BCAS3: variants seen among roughly 807,000 people sequenced by gnomAD.
The protein encoded by BCAS3 is BCAS3 microtubule associated cell migration factor.
Under a neutral mutation model 116.1 loss-of-function variants are expected in BCAS3, and 53 were observed. That is an observed-to-expected ratio of 0.46 (90% CI 0.37 to 0.57). BCAS3 has a LOEUF of 0.57. Among genes scored for constraint, BCAS3 ranks in the 20% least tolerant of loss-of-function variants. BCAS3 has a pLI of 0.00. For missense variants in BCAS3, 917 were observed against 1,165.4 expected, an observed-to-expected ratio of 0.79 and a Z score of 3.10; for synonymous variants, 391 against 408.2, an observed-to-expected ratio of 0.96 and a Z score of 0.51.
Position 61,279,479 on chromosome 17 carries a change from A to C in BCAS3, c.2426-88848A>C, listed in dbSNP as rs928749120. ...TCTTCTTGAAGAGCAGCTTCTGCCT[A>C]GCCCATGGTGGCTAAGAGATTCACA... On this transcript the variant is annotated intron_variant, in intron 22 of 23. Transcript: ENST00000407086. This position sits in a 1 kb window ranked among gnomAD's most constrained non-coding sequence, Gnocchi z 4.4. Among the ~76,000 whole-genome samples the C allele has an allele frequency of 6.6e-6, 1 of 152,108 alleles. No individual in the cohort carries two copies. Among genetic ancestry groups the C allele is most frequent in the South Asian group, 2.1e-4 (1 of 4,824 alleles).
At chr17:60,716,851 ATATT>A (rs1376977645) in intron 5 of BCAS3, among the ~76,000 whole-genome samples, 8 of 152,192 alleles carry the variant, frequency 5.3e-5, no homozygotes, top group African/African-American at 1.9e-4. Flanking sequence ...CTTACCCCAT[ATATT>A]TATTAATTCT....
intron 7 of BCAS3, among the ~76,000 whole-genome samples, chr17:60,849,567 A>G (rs765201188): frequency 1.3e-5 from 2 of 152,136 alleles, no homozygotes; most frequent in Non-Finnish European, 2.9e-5. Context: ...AAAGTTTATA[A>G]AGAGATTTTC....
chr17:61,043,612 G>A lies in BCAS3; in HGVS notation c.2029+2720G>A, dbSNP rs902771800. The stretch of plus-strand genomic sequence containing the variant: ...TCTCCCTGATACCAAAGGTATGCAT[G>A]TTAGGTTAATTGGCATGGCTACATT... On this transcript the variant is annotated intron_variant, in intron 19 of 23. Coordinates refer to ENST00000407086, the MANE Select transcript of BCAS3 (RefSeq NM_017679.5). 2.0e-5 allele frequency among the ~76,000 whole-genome samples: 3 copies of A among 151,912 alleles called. No individual in the cohort carries two copies. In the South Asian group the frequency reaches 6.2e-4, roughly 32 times the overall value.
At chr17:61,357,253 TAAA>T (rs1242337220) in intron 22 of BCAS3, among the ~76,000 whole-genome samples, 135 of 144,968 alleles carry the variant, frequency 9.3e-4, no homozygotes, top group Middle Eastern at 7.2e-3. Flanking sequence ...AAAAAATAAA[TAAA>T]TAAATAAATA....
At chr17:60,936,126 G>A (rs1265623940) in intron 13 of BCAS3, among the ~76,000 whole-genome samples, 1 of 149,150 alleles carries the variant, frequency 6.7e-6, no homozygotes, top group African/African-American at 2.5e-5. Context: ...TTTTGTCCTT[G>A]TGATAGTTTG....
chr17:60,718,041 C>T (rs898301897), intron 5 of BCAS3, among the ~76,000 whole-genome samples: 7 of 152,082 alleles, frequency 4.6e-5, no homozygotes, highest in Non-Finnish European at 5.9e-5. Context: ...AGGGTTCGCG[C>T]GCCTATGATA....
intron 22 of BCAS3, among the ~76,000 whole-genome samples, chr17:61,091,046 G>C (rs1346333791): frequency 6.6e-6 from 1 of 152,166 alleles, no homozygotes; most frequent in East Asian, 1.9e-4. Flanking sequence ...AAGAAAAAAT[G>C]ATAGCCCCAT....
intron 13 of BCAS3, among the ~76,000 whole-genome samples, chr17:60,930,383 T>C (rs1391958204): frequency 6.6e-6 from 1 of 152,236 alleles, no homozygotes; most frequent in Non-Finnish European, 1.5e-5. Flanking sequence ...TTAAAGCTGA[T>C]CTTACTCAAA....
intron 19 of BCAS3, among the ~76,000 whole-genome samples, chr17:61,046,001 A>AAT (rs1382646475): frequency 1.1e-4 from 1 of 9,346 alleles, no homozygotes; most frequent in African/African-American, 7.9e-4. Context: ...ATATATATAT[A>AAT]ATATATATAT....
intron 15 of BCAS3, among the ~76,000 whole-genome samples, chr17:60,997,279 G>C (rs1405378174): frequency 2.0e-5 from 3 of 152,198 alleles, no homozygotes; most frequent in Non-Finnish European, 4.4e-5. Flanking sequence ...CACCACCTGG[G>C]AGTTGGGAAC....
intron 22 of BCAS3, among the ~76,000 whole-genome samples, chr17:61,150,059 C>T (rs1391392154): frequency 3.3e-5 from 5 of 152,026 alleles, no homozygotes; most frequent in Admixed American, 2.6e-4. Flanking sequence ...GGAGGAGAGG[C>T]GGAACAGAAT....
rs2063429425 is a variant in BCAS3, at chr17:60,990,095, C to T, written c.1346C>T (p.Pro449Leu). 1.2e-6 allele frequency: 2 copies of T among 1,614,146 alleles called. No homozygotes were observed. The highest frequency in any genetic ancestry group is 1.3e-5 in the African/African-American group (1 of 75,036). Residue 449 changes from proline to leucine, a missense_variant, in exon 15 of 24, where the codon CCA (proline) becomes CTA (leucine). This residue lies in a region of BCAS3 where 807 missense variants were observed against 1,026.0 expected (regional missense o/e 0.79). Transcript: ENST00000407086. The surrounding 1 kb of genome is among the most constrained non-coding windows in gnomAD (Gnocchi z 5.1). Reference protein sequence around the residue: ...GQPCVRTHMSPRVVNRMSRFQ... With the variant: ...GQPCVRTHMSLRVVNRMSRFQ... ...CCTTGTGTTCGTACACATATGTCAC[C>T]ACGAGTAGTGAATCGCATGAGCCGT...
intron 12 of BCAS3, among the ~76,000 whole-genome samples, chr17:60,919,384 G>T (rs2058951026): frequency 3.3e-5 from 5 of 152,018 alleles, no homozygotes; most frequent in Admixed American, 3.3e-4. Flanking sequence ...GTGGTGCAGT[G>T]GTGCGATCTC....
chr17:60,731,040 G>A (rs1262073783), intron 5 of BCAS3, among the ~76,000 whole-genome samples: 3 of 151,758 alleles, frequency 2.0e-5, no homozygotes, highest in South Asian at 4.1e-4. Flanking sequence ...TCTCCTTTAC[G>A]TTTTTACAAT....
rs915008423 is a variant in BCAS3, at chr17:61,220,822, T to C, written c.2425+136258T>C. ...TTCCACCTAGAAAGTGTAGTTCGGC[T>C]GGGCGCGGTGGCTCACGCCTGTAAT... On this transcript the variant is annotated intron_variant, in intron 22 of 23. Transcript: ENST00000407086. This position sits in a 1 kb window ranked among gnomAD's most constrained non-coding sequence, Gnocchi z 4.5. Among the ~76,000 whole-genome samples the C allele has an allele frequency of 5.3e-5, 8 of 150,308 alleles. No individual in the cohort carries two copies. Among genetic ancestry groups the C allele is most frequent in the Non-Finnish European group, 1.0e-4 (7 of 67,356 alleles).
chr17:60,996,258 T>C (rs2063828093), intron 15 of BCAS3, among the ~76,000 whole-genome samples: 1 of 152,166 alleles, frequency 6.6e-6, no homozygotes, highest in African/African-American at 2.4e-5. Context: ...TACGTGGACA[T>C]GGGTGGAAAC....
At chr17:60,739,281 CTAT>C (rs1240510298) in intron 5 of BCAS3, among the ~76,000 whole-genome samples, 2 of 152,096 alleles carry the variant, frequency 1.3e-5, no homozygotes, top group Non-Finnish European at 2.9e-5. Context: ...TACATTATTG[CTAT>C]TATTTTGAAC....
rs975827033 is a variant in BCAS3, at chr17:61,327,528, A to G, written c.2426-40799A>G. 6.6e-6 allele frequency among the ~76,000 whole-genome samples: 1 copy of G among 151,786 alleles called. No homozygotes were observed. Among genetic ancestry groups the G allele is most frequent in the Non-Finnish European group, 1.5e-5 (1 of 67,914 alleles). Reference sequence around the variant, plus strand: ...AAGCAAAATTTTTTTTTTTTTAGACAGAGTCTCACTCTGTCACCCAGGCTG... The same window carrying G: ...AAGCAAAATTTTTTTTTTTTTAGACGGAGTCTCACTCTGTCACCCAGGCTG... On this transcript the variant is annotated intron_variant, in intron 22 of 23. Coordinates refer to ENST00000407086, the MANE Select transcript of BCAS3 (RefSeq NM_017679.5). This position sits in a 1 kb window ranked among gnomAD's most constrained non-coding sequence, Gnocchi z 5.9.
intron 19 of BCAS3, among the ~76,000 whole-genome samples, chr17:61,064,507 A>T (rs2070403734): frequency 6.6e-6 from 1 of 152,124 alleles, no homozygotes; most frequent in African/African-American, 2.4e-5. Context: ...TAAATGTCAA[A>T]TGACCTCTTG....
Sources: allele counts gnomAD v4.1 joint callset (sites outside exome capture counted in the v4.1 genomes callset), GRCh38; gene constraint gnomAD v4.1.1; regional missense constraint gnomAD v4.1.1; non-coding constraint Gnocchi (gnomAD v3.1); transcripts MANE v1.5; gene names NCBI Gene and HGNC (gene_info 2026-07-23, HGNC 2026-07-21).